The following DRC5 variants were observed in gnomAD, a reference collection of about 807,000 sequenced individuals.
The protein encoded by DRC5 is T-complex-associated testis-expressed protein 1.
At chr6:44,281,947 C>A in the DRC5 span, among the ~76,000 whole-genome samples, 3 of 152,144 alleles carry the variant, frequency 2.0e-5, no homozygotes. Context: ...ACTTAGGTAA[C>A]TGTAAGGATT....
At chr6:44,282,219 T>G in the DRC5 span, 1 of 1,614,094 alleles carries the variant, frequency 6.2e-7, no homozygotes, top group Non-Finnish European at 8.5e-7. Flanking sequence ...GCCACCGAGG[T>G]GCAGCGTGGT....
At chr6:44,294,728 C>A in the DRC5 span, among the ~76,000 whole-genome samples, 1 of 141,778 alleles carries the variant, frequency 7.1e-6, no homozygotes, top group Admixed American at 7.3e-5. Flanking sequence ...GCTGAGATTG[C>A]GCCACTACAC....
At chr6:44,288,980 C>A in the DRC5 span, among the ~76,000 whole-genome samples, 2 of 88,530 alleles carry the variant, frequency 2.3e-5, no homozygotes, top group Non-Finnish European at 4.0e-5. Flanking sequence ...GGTGATAGAG[C>A]AAGACTCTGT....
the DRC5 span, chr6:44,287,642 G>T: frequency 6.2e-7 from 1 of 1,614,168 alleles, no homozygotes; most frequent in African/African-American, 1.3e-5. Context: ...ATGATCCGGC[G>T]CATCCGACGG....
At chr6:44,286,592 T>C in the DRC5 span, 2 of 1,479,268 alleles carry the variant, frequency 1.4e-6, no homozygotes, top group Non-Finnish European at 1.8e-6. Context: ...CTCAACATGA[T>C]GCCTCAGGCT....
the DRC5 span, among the ~76,000 whole-genome samples, chr6:44,292,866 T>C: frequency 6.6e-6 from 1 of 152,168 alleles, no homozygotes; most frequent in African/African-American, 2.4e-5. Flanking sequence ...AGCATCCTGG[T>C]ATCTTCAATC....
At chr6:44,279,724 G>C in the DRC5 span, 1 of 158,606 alleles carries the variant, frequency 6.3e-6, no homozygotes, top group East Asian at 1.9e-4. Context: ...GAGAGAGCCA[G>C]GCATAGCCCT....
At chr6:44,282,421 T>G in the DRC5 span, 1 of 1,614,048 alleles carries the variant, frequency 6.2e-7, no homozygotes, top group South Asian at 1.1e-5. Context: ...CTCAGCAGCT[T>G]GGCAGCACCT....
chr6:44,282,642 A>C, the DRC5 span: 4 of 1,330,224 alleles, frequency 3.0e-6, no homozygotes, highest in Non-Finnish European at 4.1e-6. Context: ...AACTTGGCTC[A>C]CCTAGTGTTG....
the DRC5 span, chr6:44,287,122 G>T: frequency 1.1e-6 from 1 of 897,118 alleles, no homozygotes; most frequent in Non-Finnish European, 1.3e-6. Context: ...AGGAGAGGCT[G>T]GCAGTCCATC....
At chr6:44,293,553 A>T in the DRC5 span, among the ~76,000 whole-genome samples, 1 of 152,208 alleles carries the variant, frequency 6.6e-6, no homozygotes, top group Non-Finnish European at 1.5e-5. Flanking sequence ...AGGAAACAGG[A>T]AATGACTGGC....
chr6:44,292,490 G>A, the DRC5 span, among the ~76,000 whole-genome samples: 1 of 152,180 alleles, frequency 6.6e-6, no homozygotes. Context: ...TAGACTGTGA[G>A]CTTCTTGAGG....
At chr6:44,288,250 T>G in the DRC5 span, among the ~76,000 whole-genome samples, 1 of 152,206 alleles carries the variant, frequency 6.6e-6, no homozygotes, top group East Asian at 1.9e-4. Flanking sequence ...AATTGCTCTG[T>G]GCCAGACAAT....
At chr6:44,279,055 C>T in the DRC5 span, 1 of 152,312 alleles carries the variant, frequency 6.6e-6, no homozygotes, top group South Asian at 2.1e-4. Flanking sequence ...AGAGCAGGCA[C>T]TCCTGGACTG....
the DRC5 span, among the ~76,000 whole-genome samples, chr6:44,284,059 C>G: frequency 2.6e-3 from 402 of 152,304 alleles, no homozygotes; most frequent in African/African-American, 9.2e-3. Flanking sequence ...CCAAAGCTCT[C>G]ATCGGTTATG....
the DRC5 span, chr6:44,286,103 C>A: frequency 6.2e-7 from 1 of 1,614,142 alleles, no homozygotes; most frequent in Non-Finnish European, 8.5e-7. Flanking sequence ...GTGGCTCAGG[C>A]CAGCTACCAG....
chr6:44,287,466 G>T, the DRC5 span: 2 of 1,396,292 alleles, frequency 1.4e-6, no homozygotes, highest in Non-Finnish European at 9.8e-7. Flanking sequence ...CCCAGCTTCT[G>T]CAGTCTTGGC....
At chr6:44,294,247 G>A in the DRC5 span, among the ~76,000 whole-genome samples, 6,077 of 152,222 alleles carry the variant, frequency 0.04, 229 homozygotes, top group East Asian at 0.18. Flanking sequence ...CTCCCAAAGC[G>A]CTGAGATTAC....
chr6:44,286,769 A>G, the DRC5 span, among the ~76,000 whole-genome samples: 1 of 152,228 alleles, frequency 6.6e-6, no homozygotes, highest in African/African-American at 2.4e-5. Context: ...GGGAGTTCCC[A>G]GACTGAGGAA....
Sources: allele counts gnomAD v4.1 joint callset (sites outside exome capture counted in the v4.1 genomes callset), GRCh38; gene constraint gnomAD v4.1.1; transcripts MANE v1.5; gene names NCBI Gene and HGNC (gene_info 2026-07-23, HGNC 2026-07-21).